The following CREB3L2 variants were observed in gnomAD, a reference collection of about 807,000 sequenced individuals.
CREB3L2 encodes cAMP responsive element binding protein 3 like 2.
CREB3L2 carries 23 observed loss-of-function variants against 57.2 expected under a neutral mutation model. The ratio of observed to expected loss-of-function variants is 0.40; its 90% CI spans 0.29 to 0.57. The LOEUF is 0.57. Ranked by LOEUF, CREB3L2 falls within the 20% of genes least tolerant of loss-of-function variation. CREB3L2 has a pLI of 0.42. For missense variants in CREB3L2, 628 were observed against 634.7 expected (o/e 0.99, Z 0.11); for synonymous variants, 268 against 265.1 (o/e 1.01, Z -0.11).
rs1042186955 is a variant in CREB3L2 at position 137,955,397 on chromosome 7, G to A, written c.103-27031C>T. 1.2e-4 allele frequency: 108 copies of A among 936,810 alleles called. 1 individual carries two copies. The highest frequency in any genetic ancestry group is 7.7e-4 in the Admixed American group (33 of 43,056). The allele number at this position is 936,810 out of a possible 1,614,324, so 58.0% of individuals were successfully genotyped here. ...AGTCTTATGATTAGTTCTTCAGCAC[G>A]GCCACCTCACTCCTCTCCCCTTAAT... On this transcript the variant is annotated intron_variant, in intron 1 of 11. Transcript: ENST00000330387.
intron 1 of CREB3L2, among the ~76,000 whole-genome samples, chr7:137,991,198 CCGT>C (rs1276040887): frequency 6.6e-6 from 1 of 151,254 alleles, no homozygotes; most frequent in African/African-American, 2.4e-5. Context: ...GAGTCTTGCT[CCGT>C]CACCCAGGCT....
chr7:137,926,075 G>A (rs1800448635), intron 2 of CREB3L2, among the ~76,000 whole-genome samples: 1 of 152,182 alleles, frequency 6.6e-6, no homozygotes, highest in Non-Finnish European at 1.5e-5. Flanking sequence ...AAAAAGTCTG[G>A]AAACAACAGA....
chr7:137,946,856 CTATA>C lies in CREB3L2; in HGVS notation c.103-18494_103-18491del, dbSNP rs59249493. Among the ~76,000 whole-genome samples, 2 of 32,024 alleles carry C rather than the reference CTATA, an allele frequency of 6.2e-5. 1 individual carries two copies. Among genetic ancestry groups the C allele is most frequent in the Non-Finnish European group, 1.1e-4 (2 of 17,952 alleles). The allele number at this position is 32,024 out of a possible 152,430, so 21.0% of individuals were successfully genotyped here. ...TATATATAGTTATCTATATAGTTATCTATATAGTTATATATATAGTTATCTATAT... is the reference window on the plus strand; with the variant it reads ...TATATATAGTTATCTATATAGTTATCTAGTTATATATATAGTTATCTATAT... On this transcript the variant is annotated intron_variant, in intron 1 of 11. Coordinates refer to ENST00000330387, the MANE Select transcript of CREB3L2 (RefSeq NM_194071.4).
At chr7:137,883,349 C>G (rs1799339844) in intron 10 of CREB3L2, among the ~76,000 whole-genome samples, 1 of 152,180 alleles carries the variant, frequency 6.6e-6, no homozygotes, top group Non-Finnish European at 1.5e-5. Flanking sequence ...ATCCCAAATC[C>G]AGTACAGTAG....
At chr7:137,938,990 T>TAAA (rs71177932) in intron 1 of CREB3L2, among the ~76,000 whole-genome samples, 13,845 of 152,126 alleles carry the variant, frequency 0.091, 924 homozygotes, top group Admixed American at 0.22. Flanking sequence ...AGCTAGCACA[T>TAAA]AAAAATTCAA....
Position 137,880,304 on chromosome 7 carries a change from G to A in CREB3L2, c.*172C>T. On this transcript the variant is annotated 3_prime_UTR_variant, in exon 12 of 12. Coordinates refer to ENST00000330387, the MANE Select transcript of CREB3L2 (RefSeq NM_194071.4). The surrounding 1 kb of genome is among the most constrained non-coding windows in gnomAD (Gnocchi z 4.0). ...GCACAGGAGGGGCATGGACCAGGGG[G>A]AGATGCTCTCTCACTGCAGGGAAGT... 3.2e-6 allele frequency: 2 copies of A among 629,480 alleles called. No homozygotes were observed. The highest frequency in any genetic ancestry group is 5.8e-6 in the Non-Finnish European group (2 of 343,994). 39.0% of individuals were successfully genotyped at this position (629,480 alleles called of 1,614,324 possible).
At chr7:137,968,162 C>G (rs1801440548) in intron 1 of CREB3L2, among the ~76,000 whole-genome samples, 2 of 151,748 alleles carry the variant, frequency 1.3e-5, no homozygotes, top group African/African-American at 4.8e-5. Context: ...CCCATCCCTT[C>G]CTTGTCCTCC....
At position 138,001,559 on chromosome 7, in the gene CREB3L2, T is replaced by C. The variant is rs1406175894; in HGVS notation, c.102+45A>G. 2 of 1,465,278 alleles carry C rather than the reference T, an allele frequency of 1.4e-6. No individual in the cohort carries two copies. The highest frequency in any genetic ancestry group is 2.8e-5 in the African/African-American group (2 of 71,858). 90.8% of individuals were successfully genotyped at this position (1,465,278 alleles called of 1,614,324 possible). ...CCAGCTGCTCCTCGCGTGACAACAC[T>C]TGCCCGCTTTGAAAGCCCTCCTGCC... is the stretch of plus-strand genomic sequence containing the variant. On this transcript the variant is annotated intron_variant, in intron 1 of 11. Transcript: ENST00000330387. This position sits in a 1 kb window ranked among gnomAD's most constrained non-coding sequence, Gnocchi z 4.2.
intron 1 of CREB3L2, among the ~76,000 whole-genome samples, chr7:137,949,102 C>A (rs1801048956): frequency 6.6e-6 from 1 of 152,216 alleles, no homozygotes; most frequent in Non-Finnish European, 1.5e-5. Flanking sequence ...CGTCTCATGG[C>A]AATCTCAAAG....
chr7:137,964,302 G>A (rs1427301003), intron 1 of CREB3L2, among the ~76,000 whole-genome samples: 2 of 152,200 alleles, frequency 1.3e-5, no homozygotes, highest in African/African-American at 4.8e-5. Flanking sequence ...GGGGACACGA[G>A]CGAGACTTCC....
At chr7:137,947,516 T>C (rs1801018281) in intron 1 of CREB3L2, among the ~76,000 whole-genome samples, 1 of 152,148 alleles carries the variant, frequency 6.6e-6, no homozygotes. Flanking sequence ...GGGGCTCCCC[T>C]GAGCCTCTCC....
intron 10 of CREB3L2, chr7:137,884,645 AG>A: frequency 1.8e-6 from 1 of 568,756 alleles, no homozygotes; most frequent in Non-Finnish European, 3.1e-6. Flanking sequence ...GCAGAAACAC[AG>A]CAGTTCTCTT....
In CREB3L2 at chr7:137,962,387, A is replaced by C. The variant is rs571228597; in HGVS notation, c.103-34021T>G. Among the ~76,000 whole-genome samples the C allele has an allele frequency of 3.9e-5, 6 of 152,250 alleles. No homozygotes were observed. The South Asian group carries it at 1.2e-3, about 32-fold the overall frequency. On this transcript the variant is annotated intron_variant, in intron 1 of 11. Coordinates refer to ENST00000330387, the MANE Select transcript of CREB3L2 (RefSeq NM_194071.4). Reference sequence around the variant, plus strand: ...CTCTACTCAAATCCTGAATCTCATCAGGATGAACAAAGGGTTTCTAGGCCC... The same window carrying C: ...CTCTACTCAAATCCTGAATCTCATCCGGATGAACAAAGGGTTTCTAGGCCC...
chr7:137,937,713 G>T lies in CREB3L2; in HGVS notation c.103-9347C>A, dbSNP rs117822044. Among the ~76,000 whole-genome samples the T allele has an allele frequency of 3.5e-3, 538 of 152,042 alleles. 5 individuals are homozygous for T. Among genetic ancestry groups the T allele is most frequent in the East Asian group, 0.018 (94 of 5,172 alleles). ...CTCTTTATTACACCAGAGTTTTGGA[G>T]ATTTGTGGTGGGGGTTATTTTGGGG... is the stretch of plus-strand genomic sequence containing the variant. On this transcript the variant is annotated intron_variant, in intron 1 of 11. Transcript: ENST00000330387.
Position 137,875,930 on chromosome 7 carries a change from T to G in CREB3L2, c.*4546A>C. On this transcript the variant is annotated 3_prime_UTR_variant, in exon 12 of 12. Transcript: ENST00000330387. ...ACAAAACAAAACAACACCTAGTTTT[T>G]TCCTGTGTTAAGTGCTGACCCTTTG... 1 of 226,464 alleles carries G rather than the reference T, an allele frequency of 4.4e-6. No individual in the cohort carries two copies. 14.0% of individuals were successfully genotyped at this position (226,464 alleles called of 1,614,324 possible). A position where few individuals can be genotyped will look rare whatever the true frequency, so the allele number is the denominator to read the frequency against.
At chr7:137,946,856 C>CTATATAGTTATA (rs1332235279) in intron 1 of CREB3L2, among the ~76,000 whole-genome samples, 7 of 31,994 alleles carry the variant, frequency 2.2e-4, no homozygotes, top group African/African-American at 9.5e-4. Flanking sequence ...ATATAGTTAT[C>CTATATAGTTATA]TATATAGTTA....
intron 1 of CREB3L2, among the ~76,000 whole-genome samples, chr7:137,932,458 C>A (rs1800669682): frequency 6.6e-6 from 1 of 152,104 alleles, no homozygotes; most frequent in Admixed American, 6.6e-5. Context: ...CTAGGCCGGG[C>A]GCAGTGGCTC....
intron 1 of CREB3L2, among the ~76,000 whole-genome samples, chr7:137,997,286 G>C (rs1802002226): frequency 6.6e-6 from 1 of 152,208 alleles, no homozygotes; most frequent in Non-Finnish European, 1.5e-5. Flanking sequence ...ATAGTGTGTA[G>C]ACATGCTTCC....
intron 1 of CREB3L2, among the ~76,000 whole-genome samples, chr7:137,991,162 C>CT (rs527436976): frequency 0.02 from 2,891 of 146,210 alleles, 74 homozygotes; most frequent in East Asian, 0.086. Flanking sequence ...TTTTACATAG[C>CT]TTTTTTTTTT....
Sources: allele counts gnomAD v4.1 joint callset (sites outside exome capture counted in the v4.1 genomes callset), GRCh38; gene constraint gnomAD v4.1.1; non-coding constraint Gnocchi (gnomAD v3.1); transcripts MANE v1.5; gene names NCBI Gene and HGNC (gene_info 2026-07-23, HGNC 2026-07-21).